ORC4: variants seen among roughly 807,000 people sequenced by gnomAD.
The protein encoded by ORC4 is origin recognition complex, subunit 4 homolog.
A neutral mutation model predicts 63.9 loss-of-function variants in ORC4; 55 were observed. The ratio of observed to expected loss-of-function variants is 0.86; its 90% CI spans 0.69 to 1.08. The LOEUF (loss-of-function observed/expected upper bound fraction) is 1.08, where lower values mean the gene tolerates loss of function less well. Among genes scored for constraint, ORC4 ranks in the 50% least tolerant of loss-of-function variants. ORC4 has a pLI of 0.00. For missense variants in ORC4, 511 were observed against 504.4 expected (o/e 1.01, Z -0.13); for synonymous variants, 150 against 168.5 (o/e 0.89, Z 0.85).
At chr2:147,989,144 T>C (rs1003958525) in intron 1 of ORC4, among the ~76,000 whole-genome samples, 1 of 152,192 alleles carries the variant, frequency 6.6e-6, no homozygotes, top group Admixed American at 6.5e-5. Context: ...GCCCTGAATA[T>C]GCTCATTAGC....
chr2:147,987,391 T>TATACAC (rs1553458407), intron 1 of ORC4, among the ~76,000 whole-genome samples: 12 of 136,664 alleles, frequency 8.8e-5, no homozygotes, highest in East Asian at 4.5e-4. Flanking sequence ...TGTATATATA[T>TATACAC]ACACACACAC....
At chr2:148,001,747 T>A (rs572804635) in intron 1 of ORC4, among the ~76,000 whole-genome samples, 4 of 152,128 alleles carry the variant, frequency 2.6e-5, no homozygotes, top group African/African-American at 2.4e-5. Flanking sequence ...AGTACCAAAT[T>A]CACACATAAC....
At chr2:148,020,340 T>C (rs1693623035) in intron 1 of ORC4, among the ~76,000 whole-genome samples, 1 of 152,132 alleles carries the variant, frequency 6.6e-6, no homozygotes. Flanking sequence ...CCTTCTCTCT[T>C]ACACTCGGAC....
intron 7 of ORC4, among the ~76,000 whole-genome samples, chr2:147,954,295 C>G (rs1326437438): frequency 6.6e-6 from 1 of 152,122 alleles, no homozygotes; most frequent in African/African-American, 2.4e-5. Context: ...TCGTGTGTCC[C>G]TTAATGACAG....
intron 1 of ORC4, among the ~76,000 whole-genome samples, chr2:147,987,906 A>G (rs923641314): frequency 6.6e-6 from 1 of 151,980 alleles, no homozygotes; most frequent in Admixed American, 6.6e-5. Flanking sequence ...ACAAAAAATT[A>G]GCCAGGTGTG....
chr2:147,996,133 G>A (rs1407426484), intron 1 of ORC4, among the ~76,000 whole-genome samples: 7 of 152,152 alleles, frequency 4.6e-5, no homozygotes, highest in Admixed American at 4.6e-4. Flanking sequence ...GTGAAACCCC[G>A]TCTCTACTAA....
intron 1 of ORC4, among the ~76,000 whole-genome samples, chr2:147,995,991 C>A (rs1691944136): frequency 6.7e-6 from 1 of 150,010 alleles, no homozygotes; most frequent in African/African-American, 2.5e-5. Flanking sequence ...CAGAGCAAGA[C>A]TCCATCTCAA....
In ORC4 at chr2:147,975,897, C is replaced by CT; in HGVS notation, c.57+4dup. 6.7e-7 allele frequency: 1 copy of CT among 1,503,140 alleles called. No individual in the cohort carries two copies. Among genetic ancestry groups the CT allele is most frequent in the Non-Finnish European group, 9.3e-7 (1 of 1,078,906 alleles). The allele number at this position is 1,503,140 out of a possible 1,614,324, so 93.1% of individuals were successfully genotyped here. On this transcript the variant is annotated splice_donor_region_variant and intron_variant, in intron 2 of 13. Coordinates refer to ENST00000392857, the MANE Select transcript of ORC4 (RefSeq NM_181741.4). ...ATCTTGAGATTAATGAAAATACATA[C>CT]TAACCTGTGAAAGGCACTCTGTGTG...
rs151001828 is a variant in ORC4 at position 147,980,958 on chromosome 2, A to C, written c.-17-4983T>G. On this transcript the variant is annotated intron_variant, in intron 1 of 13. Transcript: ENST00000392857. ...AGCATTATTCACAGCCAAAATACGG[A>C]ATCAACCTAAGTGTCCATCAATGGA... is the stretch of plus-strand genomic sequence containing the variant. Among the ~76,000 whole-genome samples the C allele has an allele frequency of 7.4e-3, 1,124 of 152,306 alleles. 2 individuals are homozygous for C. Among genetic ancestry groups the C allele is most frequent in the Non-Finnish European group, 0.01 (682 of 68,022 alleles).
At chr2:148,016,335 G>A (rs530417034) in intron 1 of ORC4, among the ~76,000 whole-genome samples, 3 of 152,218 alleles carry the variant, frequency 2.0e-5, no homozygotes, top group East Asian at 3.9e-4. Context: ...GTCTGCTGCC[G>A]GTCTGATCCA....
chr2:148,006,416 T>C (rs971991116), intron 1 of ORC4, among the ~76,000 whole-genome samples: 1 of 152,324 alleles, frequency 6.6e-6, no homozygotes, highest in Non-Finnish European at 1.5e-5. Context: ...TGGCAAGCCT[T>C]GGTACTGCAC....
At chr2:147,973,035 G>A (rs1231282588) in intron 3 of ORC4, among the ~76,000 whole-genome samples, 1 of 152,116 alleles carries the variant, frequency 6.6e-6, no homozygotes, top group Non-Finnish European at 1.5e-5. Flanking sequence ...ATCTTCAGGT[G>A]AAAACGTAGT....
intron 4 of ORC4, among the ~76,000 whole-genome samples, chr2:147,964,376 C>CA (rs1196759076): frequency 1.3e-5 from 2 of 151,714 alleles, no homozygotes; most frequent in Non-Finnish European, 2.9e-5. Flanking sequence ...AAATTGAAGA[C>CA]AAATTGTTTG....
At chr2:147,960,382 G>T (rs1689519781) in intron 4 of ORC4, 38 of 957,258 alleles carry the variant, frequency 4.0e-5, no homozygotes, top group Non-Finnish European at 4.7e-5. Flanking sequence ...AAAATTTATT[G>T]TTTATGCAAT....
intron 8 of ORC4, chr2:147,951,708 A>T (rs1468682043): frequency 6.6e-6 from 1 of 152,186 alleles, no homozygotes; most frequent in Non-Finnish European, 1.5e-5. Flanking sequence ...AGCAACACAA[A>T]ATGGGCCAAG....
At position 147,933,051 on chromosome 2, in the gene ORC4, G is replaced by A. The variant is rs913056341; in HGVS notation, c.*2459C>T. ...AATCAGTCATTTTAACAAGAATTCC[G>A]TTTCTGCTGGGCCACTTGGATCCCT... On this transcript the variant is annotated 3_prime_UTR_variant, in exon 14 of 14. Coordinates refer to ENST00000392857, the MANE Select transcript of ORC4 (RefSeq NM_181741.4). 6.6e-6 allele frequency: 1 copy of A among 151,958 alleles called. No individual in the cohort carries two copies. The highest frequency in any genetic ancestry group is 1.5e-5 in the Non-Finnish European group (1 of 67,970). 9.4% of individuals were successfully genotyped at this position (151,958 alleles called of 1,614,324 possible).
intron 7 of ORC4, among the ~76,000 whole-genome samples, chr2:147,954,148 G>A (rs1689119757): frequency 6.6e-6 from 1 of 151,834 alleles, no homozygotes; most frequent in African/African-American, 2.4e-5. Flanking sequence ...TAACTATGTG[G>A]AAAACATAAA....
At chr2:147,937,203 C>A (rs1688100744) in intron 13 of ORC4, among the ~76,000 whole-genome samples, 1 of 151,994 alleles carries the variant, frequency 6.6e-6, no homozygotes, top group African/African-American at 2.4e-5. Flanking sequence ...ATTCTGGTTA[C>A]TAGGGCCTAT....
intron 2 of ORC4, 145 bp downstream of exon 2, chr2:147,975,757 A>G: frequency 1.6e-6 from 1 of 623,584 alleles, no homozygotes; most frequent in South Asian, 1.9e-5. Context: ...CATCTCGTTA[A>G]GGTCTCGTAC....
Sources: allele counts gnomAD v4.1 joint callset (sites outside exome capture counted in the v4.1 genomes callset), GRCh38; gene constraint gnomAD v4.1.1; transcripts MANE v1.5; gene names NCBI Gene and HGNC (gene_info 2026-07-23, HGNC 2026-07-21).